The following MRPL13 variants were observed in gnomAD, a reference collection of about 807,000 sequenced individuals.
MRPL13 encodes the protein large ribosomal subunit protein uL13m.
Under a neutral mutation model 29.0 loss-of-function variants are expected in MRPL13, and 33 were observed. The observed-to-expected ratio is 1.14, with a 90% CI of 0.86 to 1.52. The LOEUF (loss-of-function observed/expected upper bound fraction) is 1.52. Ranked by LOEUF, MRPL13 falls within the 40% of genes most tolerant of loss-of-function variation. The pLI is 0.00. For missense variants in MRPL13, 227 were observed against 216.7 expected (o/e 1.05, Z -0.30); for synonymous variants, 77 against 68.4 (o/e 1.13, Z -0.62).
intron 4 of MRPL13, among the ~76,000 whole-genome samples, chr8:120,422,297 T>C (rs1053313282): frequency 2.0e-5 from 3 of 151,638 alleles, no homozygotes; most frequent in Non-Finnish European, 3.0e-5. Flanking sequence ...TATTAATGTA[T>C]TGCAGCAAAA....
intron 2 of MRPL13, among the ~76,000 whole-genome samples, chr8:120,441,048 A>G (rs559243413): frequency 6.6e-6 from 1 of 151,618 alleles, no homozygotes; most frequent in South Asian, 2.1e-4. Flanking sequence ...TACTTTTTTT[A>G]TTTTTTTGGT....
intron 5 of MRPL13, among the ~76,000 whole-genome samples, chr8:120,417,124 T>A (rs574979773): frequency 1.3e-5 from 2 of 152,354 alleles, no homozygotes; most frequent in South Asian, 4.1e-4. Context: ...ATACTATTGT[T>A]GTTCCATGAT....
intron 3 of MRPL13, among the ~76,000 whole-genome samples, chr8:120,429,687 TA>T (rs1243546743): frequency 6.6e-6 from 1 of 152,116 alleles, no homozygotes; most frequent in Non-Finnish European, 1.5e-5. Flanking sequence ...AAAAAGGATA[TA>T]AACTTGTATA....
intron 5 of MRPL13, among the ~76,000 whole-genome samples, chr8:120,416,487 C>G (rs947420864): frequency 6.6e-6 from 1 of 152,080 alleles, no homozygotes; most frequent in African/African-American, 2.4e-5. Context: ...GAGCGAGACT[C>G]CGTCTCAAAA....
chr8:120,418,982 A>G lies in MRPL13; in HGVS notation c.393+870T>C, dbSNP rs546060271. ...CACATAAATAGCTTGAAAAATCGTTATAACTTGATATTTTGGAATAAATTT... is the reference window on the plus strand; with the variant it reads ...CACATAAATAGCTTGAAAAATCGTTGTAACTTGATATTTTGGAATAAATTT... On this transcript the variant is annotated intron_variant, in intron 5 of 6. Coordinates refer to ENST00000306185, the MANE Select transcript of MRPL13 (RefSeq NM_014078.6). 2.2e-4 allele frequency among the ~76,000 whole-genome samples: 34 copies of G among 152,146 alleles called. 1 individual carries two copies. The highest frequency in any genetic ancestry group is 2.1e-3 in the South Asian group (10 of 4,830).
At chr8:120,401,878 C>T (rs1025705024) in intron 6 of MRPL13, among the ~76,000 whole-genome samples, 49 of 152,104 alleles carry the variant, frequency 3.2e-4, no homozygotes, top group African/African-American at 1.1e-3. Flanking sequence ...AGAGCCAAAT[C>T]ATAAATCAAC....
intron 6 of MRPL13, among the ~76,000 whole-genome samples, chr8:120,413,423 G>A (rs1812764125): frequency 6.6e-6 from 1 of 152,104 alleles, no homozygotes; most frequent in Non-Finnish European, 1.5e-5. Context: ...TTACAGGAAG[G>A]ACTGCCTGAG....
At chr8:120,416,447 T>C (rs149165518) in intron 5 of MRPL13, among the ~76,000 whole-genome samples, 2,075 of 152,248 alleles carry the variant, frequency 0.014, 42 homozygotes, top group African/African-American at 0.046. Flanking sequence ...TGAGCCCAGA[T>C]TGTGCCACTG....
chr8:120,406,737 A>G (rs1234185531), intron 6 of MRPL13, among the ~76,000 whole-genome samples: 2 of 152,072 alleles, frequency 1.3e-5, no homozygotes, highest in Non-Finnish European at 2.9e-5. Flanking sequence ...ATGTGCTTAA[A>G]ATATACTTGG....
chr8:120,422,738 T>C (rs1812888748), intron 4 of MRPL13, among the ~76,000 whole-genome samples: 1 of 151,418 alleles, frequency 6.6e-6, no homozygotes, highest in Non-Finnish European at 1.5e-5. Context: ...TCACAAGGCT[T>C]TGAGGCCCCA....
chr8:120,406,772 T>C (rs1043058762), intron 6 of MRPL13, among the ~76,000 whole-genome samples: 21 of 152,160 alleles, frequency 1.4e-4, no homozygotes, highest in Non-Finnish European at 2.8e-4. Context: ...ATCTAAGAAA[T>C]AGCTAACATA....
rs367931000 is a variant in MRPL13, at chr8:120,442,001, A to G, written c.151+1184T>C. On this transcript the variant is annotated intron_variant, in intron 2 of 6. Transcript: ENST00000306185. The stretch of plus-strand genomic sequence containing the variant: ...TGATAGTTTGAAACCTTTTGTAATA[A>G]AAGTAAGAAAAAAGCAAAGGACAAA... Among the ~76,000 whole-genome samples the G allele has an allele frequency of 7.3e-4, 111 of 152,290 alleles. 1 individual carries two copies. Among genetic ancestry groups the G allele is most frequent in the African/African-American group, 2.6e-3 (106 of 41,560 alleles).
intron 5 of MRPL13, among the ~76,000 whole-genome samples, chr8:120,419,503 T>C (rs533283828): frequency 8.0e-4 from 122 of 152,020 alleles, no homozygotes; most frequent in African/African-American, 2.7e-3. Context: ...ACTGGTCACA[T>C]AAAAAGTGAA....
intron 2 of MRPL13, among the ~76,000 whole-genome samples, chr8:120,435,475 C>A (rs1366897623): frequency 6.7e-6 from 1 of 149,956 alleles, no homozygotes; most frequent in East Asian, 1.9e-4. Flanking sequence ...TTTTCTGTTC[C>A]TGTGTTAGTT....
At chr8:120,409,221 C>G (rs2130457499) in intron 6 of MRPL13, among the ~76,000 whole-genome samples, 1 of 152,278 alleles carries the variant, frequency 6.6e-6, no homozygotes, top group East Asian at 1.9e-4. Flanking sequence ...TTAAAACAAG[C>G]ATTTCTTACT....
In MRPL13 at chr8:120,396,090, C is replaced by T. The variant is rs750919386; in HGVS notation, c.*14G>A. On this transcript the variant is annotated 3_prime_UTR_variant, in exon 7 of 7. Transcript: ENST00000306185. ...TCAATCACTTCACTGTTATTTTCTG[C>T]AATTCTTATTCTCTTATAGCCGATA... 9.5e-6 allele frequency: 15 copies of T among 1,580,792 alleles called. No homozygotes were observed. In the South Asian group the frequency reaches 1.6e-4, roughly 17 times the overall value.
chr8:120,412,059 C>A (rs1812745936), intron 6 of MRPL13, among the ~76,000 whole-genome samples: 1 of 151,974 alleles, frequency 6.6e-6, no homozygotes, highest in Non-Finnish European at 1.5e-5. Flanking sequence ...AATATGACTT[C>A]AAGTGTATAA....
At chr8:120,437,758 G>T (rs1163003367) in intron 2 of MRPL13, among the ~76,000 whole-genome samples, 1 of 151,966 alleles carries the variant, frequency 6.6e-6, no homozygotes, top group Non-Finnish European at 1.5e-5. Flanking sequence ...GACAAATAAG[G>T]TAGTTCAAAT....
intron 4 of MRPL13, among the ~76,000 whole-genome samples, chr8:120,424,575 G>A (rs1812910937): frequency 6.6e-6 from 1 of 151,924 alleles, no homozygotes; most frequent in Admixed American, 6.6e-5. Context: ...GACAAGCTTG[G>A]GCAACATAGG....
Sources: allele counts gnomAD v4.1 joint callset (sites outside exome capture counted in the v4.1 genomes callset), GRCh38; gene constraint gnomAD v4.1.1; transcripts MANE v1.5; gene names NCBI Gene and HGNC (gene_info 2026-07-23, HGNC 2026-07-21).